The following ABCC4 variants were observed in gnomAD, a reference collection of about 807,000 sequenced individuals.
ABCC4 encodes the protein ATP-binding cassette sub-family C member 4.
A neutral mutation model predicts 168.5 loss-of-function variants in ABCC4; 102 were observed. The observed-to-expected ratio is 0.61, with a 90% CI of 0.52 to 0.71. The LOEUF is 0.71. Among genes scored for constraint, ABCC4 ranks in the 30% least tolerant of loss-of-function variants. The pLI is 0.00. For missense variants in ABCC4, 1,402 were observed against 1,605.8 expected (o/e 0.87, Z 2.17); for synonymous variants, 617 against 590.7 (o/e 1.04, Z -0.65).
intron 19 of ABCC4, among the ~76,000 whole-genome samples, chr13:95,117,333 C>T (rs1200552867): frequency 4.6e-5 from 7 of 151,554 alleles, no homozygotes; most frequent in Non-Finnish European, 7.4e-5. Context: ...CAAAAAGGTG[C>T]GATGATGACT....
chr13:95,104,771 G>T (rs982737073), intron 20 of ABCC4, among the ~76,000 whole-genome samples: 4 of 152,188 alleles, frequency 2.6e-5, no homozygotes, highest in African/African-American at 9.6e-5. Context: ...AAGGATTGGG[G>T]CAGAGAATGG....
chr13:95,082,147 G>A (rs368696881), intron 21 of ABCC4, among the ~76,000 whole-genome samples: 2 of 152,128 alleles, frequency 1.3e-5, no homozygotes, highest in African/African-American at 4.8e-5. Flanking sequence ...TCTTCTAGGC[G>A]TGGCTTCCAG....
intron 18 of ABCC4, among the ~76,000 whole-genome samples, chr13:95,162,150 C>T (rs1359425885): frequency 6.6e-6 from 1 of 152,186 alleles, no homozygotes; most frequent in Non-Finnish European, 1.5e-5. Context: ...CTAACTCCAT[C>T]AACGGGCATT....
chr13:95,127,875 A>G lies in ABCC4; in HGVS notation c.2456-11874T>C, dbSNP rs116704998. On this transcript the variant is annotated intron_variant, in intron 19 of 30. Coordinates refer to ENST00000645237, the MANE Select transcript of ABCC4 (RefSeq NM_005845.5). ...CAATTGTGAACTGAAGGAAACCTCA[A>G]TAACTGTCACTGAACATGTTTAACA... is the stretch of plus-strand genomic sequence containing the variant. Among the ~76,000 whole-genome samples, 331 of 152,342 alleles carry G rather than the reference A, an allele frequency of 2.2e-3. 1 individual carries two copies. Among genetic ancestry groups the G allele is most frequent in the African/African-American group, 7.5e-3 (313 of 41,582 alleles).
At chr13:95,274,850 G>T (rs1407624966) in intron 1 of ABCC4, among the ~76,000 whole-genome samples, 1 of 152,200 alleles carries the variant, frequency 6.6e-6, no homozygotes, top group African/African-American at 2.4e-5. Context: ...GCCGAGGCAG[G>T]CGGATCACTT....
intron 26 of ABCC4, chr13:95,055,657 T>C (rs1296855102): frequency 6.6e-6 from 1 of 152,080 alleles, no homozygotes; most frequent in Non-Finnish European, 1.5e-5. Flanking sequence ...CCGAGGCAGG[T>C]GGTTCACTGG....
Position 95,083,224 on chromosome 13 carries a change from A to C in ABCC4, c.2602T>G (p.Leu868Val). ...ATGAAAATGATTCCAAGGGGAACCA[A>C]GGGTATTGCGATCCAAGGAATCACG... is the stretch of plus-strand genomic sequence containing the variant. ...VAVIPWIAIP[L>V]VPLGIIFIFL... The change falls in exon 21 of 31, where the codon TTG becomes GTG. Residue 868 changes from leucine (L) to valine (V), a missense_variant. Leu to Val is a conservative substitution (Grantham distance 32, BLOSUM62 1). Coordinates refer to ENST00000645237, the MANE Select transcript of ABCC4 (RefSeq NM_005845.5). 6.2e-7 allele frequency: 1 copy of C among 1,614,136 alleles called. No individual in the cohort carries two copies. Among genetic ancestry groups the C allele is most frequent in the African/African-American group, 1.3e-5 (1 of 75,054 alleles).
chr13:95,025,841 G>C (rs1204602089), intron 30 of ABCC4, among the ~76,000 whole-genome samples: 1 of 152,070 alleles, frequency 6.6e-6, no homozygotes, highest in Non-Finnish European at 1.5e-5. Flanking sequence ...CAAAAATACA[G>C]GAAAACATGG....
chr13:95,184,419 C>T (rs370737973), intron 11 of ABCC4, among the ~76,000 whole-genome samples: 7 of 152,254 alleles, frequency 4.6e-5, no homozygotes, highest in African/African-American at 1.7e-4. Flanking sequence ...CTTATAAACA[C>T]CCCCAACTGA....
chr13:95,183,989 C>T (rs2037981153), intron 11 of ABCC4, among the ~76,000 whole-genome samples: 2 of 146,710 alleles, frequency 1.4e-5, no homozygotes, highest in South Asian at 2.2e-4. Flanking sequence ...TCTCCACCAC[C>T]GGAGGCCCAC....
intron 20 of ABCC4, among the ~76,000 whole-genome samples, chr13:95,111,093 T>G (rs2035190214): frequency 2.0e-5 from 3 of 152,128 alleles, no homozygotes; most frequent in Non-Finnish European, 4.4e-5. Flanking sequence ...GCAAACATAC[T>G]ATGTTTTGAA....
At chr13:95,022,971 T>G (rs1388297838) in intron 30 of ABCC4, among the ~76,000 whole-genome samples, 1 of 152,238 alleles carries the variant, frequency 6.6e-6, no homozygotes, top group Non-Finnish European at 1.5e-5. Flanking sequence ...CTGAGGCTAT[T>G]TCCATTATAA....
In ABCC4 at chr13:95,032,633, C is replaced by T. The variant is rs192523265; in HGVS notation, c.3870+1972G>A. Among the ~76,000 whole-genome samples the T allele has an allele frequency of 1.4e-4, 21 of 151,542 alleles. No homozygotes were observed. In the East Asian group the frequency reaches 3.7e-3, roughly 27 times the overall value. The stretch of plus-strand genomic sequence containing the variant: ...TGGATAAATCTTTAATACAGAAATA[C>T]CATTAGATATGGGAACATATTTTCT... On this transcript the variant is annotated intron_variant, in intron 30 of 30. Coordinates refer to ENST00000645237, the MANE Select transcript of ABCC4 (RefSeq NM_005845.5).
chr13:95,144,550 G>T (rs925964846), intron 19 of ABCC4, among the ~76,000 whole-genome samples: 1 of 152,148 alleles, frequency 6.6e-6, no homozygotes, highest in Non-Finnish European at 1.5e-5. Flanking sequence ...CTTCAGCAAA[G>T]TTACGGGATA....
intron 30 of ABCC4, among the ~76,000 whole-genome samples, chr13:95,027,297 C>G (rs1201169814): frequency 3.3e-5 from 5 of 152,002 alleles, no homozygotes; most frequent in Non-Finnish European, 7.4e-5. Flanking sequence ...ATGGGTGGCA[C>G]ATTTCACTGT....
At chr13:95,230,361 G>C (rs1282022722) in intron 4 of ABCC4, among the ~76,000 whole-genome samples, 1 of 152,180 alleles carries the variant, frequency 6.6e-6, no homozygotes, top group Admixed American at 6.5e-5. Flanking sequence ...AAGAATAAGT[G>C]GGAATGTAAA....
At chr13:95,240,276 A>C (rs189274530) in intron 3 of ABCC4, among the ~76,000 whole-genome samples, 426 of 152,370 alleles carry the variant, frequency 2.8e-3, no homozygotes, top group Non-Finnish European at 4.7e-3. Context: ...GGCGCGATGT[A>C]ATCTCAGCAC....
chr13:95,103,620 G>A (rs2034891332), intron 20 of ABCC4, among the ~76,000 whole-genome samples: 1 of 152,088 alleles, frequency 6.6e-6, no homozygotes, highest in African/African-American at 2.4e-5. Flanking sequence ...TCAGAAGCAA[G>A]GGCTTTCATT....
chr13:95,076,152 A>C (rs752245610), intron 21 of ABCC4, among the ~76,000 whole-genome samples: 3 of 152,162 alleles, frequency 2.0e-5, no homozygotes, highest in Non-Finnish European at 4.4e-5. Flanking sequence ...TGCTGGAAGA[A>C]TCCTTTGTGA....
Sources: gnomAD v4.1 joint callset for allele counts (sites outside exome capture counted in the v4.1 genomes callset) on GRCh38, gnomAD v4.1.1 for gene constraint, MANE v1.5 for transcripts, NCBI Gene and HGNC (gene_info 2026-07-23, HGNC 2026-07-21) for gene names.